Variants in SH3BGRL2 observed in about 807,000 individuals in gnomAD.
SH3BGRL2 encodes the protein SH3 domain binding glutamate rich protein like 2.
In SH3BGRL2, 21 loss-of-function variants were observed where a neutral mutation model predicts 14.8. The observed-to-expected ratio is 1.42, with a 90% CI of 1.01 to 2.05. The LOEUF (loss-of-function observed/expected upper bound fraction) is 2.05. Among genes scored for constraint, SH3BGRL2 ranks in the 30% most tolerant of loss-of-function variants. The pLI, the probability that SH3BGRL2 is intolerant of heterozygous loss-of-function variation, is 0.00. For missense variants in SH3BGRL2, 147 were observed against 130.8 expected, an observed-to-expected ratio of 1.12 and a Z score of -0.61; for synonymous variants, 50 against 47.8, an observed-to-expected ratio of 1.05 and a Z score of -0.19.
chr6:79,656,727 G>C lies in SH3BGRL2; in HGVS notation c.46-16887G>C, dbSNP rs183118608. ...AACCTAGAGGTGATTTAGAGTATAA[G>C]GGAGGATATGTGTAGGCTATATGCA... On this transcript the variant is annotated intron_variant, in intron 1 of 3. Coordinates refer to ENST00000369838, the MANE Select transcript of SH3BGRL2 (RefSeq NM_031469.4). 7.4e-4 allele frequency among the ~76,000 whole-genome samples: 113 copies of C among 152,296 alleles called. 1 individual carries two copies. Among genetic ancestry groups the C allele is most frequent in the Non-Finnish European group, 7.8e-4 (53 of 68,030 alleles).
the SH3BGRL2 span, among the ~76,000 whole-genome samples, chr6:79,582,255 T>A: frequency 6.6e-6 from 1 of 152,142 alleles, no homozygotes; most frequent in Non-Finnish European, 1.5e-5. Flanking sequence ...AAGCTACCAA[T>A]GACTTTCTTC....
At chr6:79,568,024 A>C in the SH3BGRL2 span, among the ~76,000 whole-genome samples, 2 of 152,200 alleles carry the variant, frequency 1.3e-5, no homozygotes, top group Non-Finnish European at 2.9e-5. Context: ...CTGAAATATC[A>C]TTTTGTACCC....
the SH3BGRL2 span, among the ~76,000 whole-genome samples, chr6:79,620,414 G>A: frequency 2.0e-5 from 3 of 151,988 alleles, no homozygotes; most frequent in African/African-American, 7.3e-5. Context: ...ATGCATGTTA[G>A]GCGCATGATT....
intron 1 of SH3BGRL2, among the ~76,000 whole-genome samples, chr6:79,640,903 G>T (rs1479571461): frequency 2.0e-5 from 3 of 152,158 alleles, no homozygotes; most frequent in Non-Finnish European, 4.4e-5. Flanking sequence ...ACAATTAGGT[G>T]ACTTGATTGA....
the SH3BGRL2 span, among the ~76,000 whole-genome samples, chr6:79,577,444 C>A: frequency 6.6e-6 from 1 of 152,072 alleles, no homozygotes. Flanking sequence ...ATATACTAAA[C>A]CCTTTACTAT....
the SH3BGRL2 span, among the ~76,000 whole-genome samples, chr6:79,557,981 T>C: frequency 6.6e-6 from 1 of 152,218 alleles, no homozygotes; most frequent in Admixed American, 6.5e-5. Flanking sequence ...AACTGAGCTA[T>C]TGTTTTTCTT....
intron 1 of SH3BGRL2, among the ~76,000 whole-genome samples, chr6:79,653,579 T>C (rs1769346660): frequency 6.6e-6 from 1 of 152,202 alleles, no homozygotes; most frequent in Non-Finnish European, 1.5e-5. Flanking sequence ...GGAGAGTACA[T>C]TTTGGTTCAT....
chr6:79,601,915 A>T, the SH3BGRL2 span, among the ~76,000 whole-genome samples: 1 of 150,242 alleles, frequency 6.7e-6, no homozygotes, highest in South Asian at 2.2e-4. Flanking sequence ...TAAAGAAAAA[A>T]ATCAAGCTCC....
At chr6:79,567,670 A>G in the SH3BGRL2 span, among the ~76,000 whole-genome samples, 2 of 152,260 alleles carry the variant, frequency 1.3e-5, no homozygotes, top group Admixed American at 1.3e-4. Flanking sequence ...TGAAGAAAAT[A>G]GATTATTTTT....
upstream of SH3BGRL2, chr6:79,631,312 C>G (rs981180545): frequency 1.1e-4 from 71 of 623,966 alleles, no homozygotes; most frequent in Non-Finnish European, 1.7e-4. Context: ...TATCTGCGGA[C>G]CCGCCGGGAG....
chr6:79,695,576 A>T (rs1169011645), intron 2 of SH3BGRL2, among the ~76,000 whole-genome samples: 2 of 152,192 alleles, frequency 1.3e-5, no homozygotes, highest in African/African-American at 4.8e-5. Flanking sequence ...AAGGTCAGTG[A>T]AACATGAGCC....
At chr6:79,596,431 G>C in the SH3BGRL2 span, among the ~76,000 whole-genome samples, 1 of 152,010 alleles carries the variant, frequency 6.6e-6, no homozygotes, top group African/African-American at 2.4e-5. Flanking sequence ...AAGTAGCTGG[G>C]ACTACAGGCA....
intron 1 of SH3BGRL2, among the ~76,000 whole-genome samples, chr6:79,643,357 G>T (rs187253756): frequency 3.0e-4 from 46 of 152,252 alleles, no homozygotes; most frequent in Non-Finnish European, 5.7e-4. Context: ...CAACAAGCAT[G>T]CTAGAATAAC....
At chr6:79,660,412 G>A (rs1201809794) in intron 1 of SH3BGRL2, among the ~76,000 whole-genome samples, 2 of 152,068 alleles carry the variant, frequency 1.3e-5, no homozygotes, top group African/African-American at 4.8e-5. Context: ...GGTTTTTGTT[G>A]TTGGTTCTGT....
At chr6:79,668,417 C>G (rs1181340940) in intron 1 of SH3BGRL2, among the ~76,000 whole-genome samples, 1 of 152,000 alleles carries the variant, frequency 6.6e-6, no homozygotes, top group African/African-American at 2.4e-5. Context: ...GTCAGGAGAC[C>G]CCGCAGCTTA....
chr6:79,659,472 C>G (rs1341162168), intron 1 of SH3BGRL2, among the ~76,000 whole-genome samples: 1 of 152,040 alleles, frequency 6.6e-6, no homozygotes, highest in Non-Finnish European at 1.5e-5. Context: ...ATTTCTGAGG[C>G]CTCTGTTCTG....
intron 1 of SH3BGRL2, among the ~76,000 whole-genome samples, chr6:79,672,690 C>G (rs1769797843): frequency 6.6e-6 from 1 of 152,036 alleles, no homozygotes; most frequent in South Asian, 2.1e-4. Flanking sequence ...TGGAATGTAT[C>G]CCCCATGGAT....
intron 1 of SH3BGRL2, among the ~76,000 whole-genome samples, chr6:79,644,327 G>C (rs1388701155): frequency 2.6e-5 from 4 of 152,118 alleles, no homozygotes; most frequent in Non-Finnish European, 1.5e-5. Context: ...GGAGGGAATT[G>C]AGGGTCTGGG....
At chr6:79,597,311 A>AAAAG in the SH3BGRL2 span, among the ~76,000 whole-genome samples, 1 of 147,534 alleles carries the variant, frequency 6.8e-6, no homozygotes, top group Non-Finnish European at 1.5e-5. Flanking sequence ...AGAGAAAAGA[A>AAAAG]AGAAAGAGAA....
Sources: gnomAD v4.1 joint callset for allele counts (sites outside exome capture counted in the v4.1 genomes callset) on GRCh38, gnomAD v4.1.1 for gene constraint, MANE v1.5 for transcripts, NCBI Gene and HGNC (gene_info 2026-07-23, HGNC 2026-07-21) for gene names.